Variants in MYOF observed in about 807,000 individuals in gnomAD.
MYOF encodes the protein myoferlin.
Under a neutral mutation model 284.2 loss-of-function variants are expected in MYOF, and 244 were observed. That is an observed-to-expected ratio of 0.86 (90% confidence interval 0.77 to 0.95). The LOEUF (loss-of-function observed/expected upper bound fraction) is 0.95, where lower values mean the gene tolerates loss of function less well. Among genes scored for constraint, MYOF ranks in the 40% least tolerant of loss-of-function variants. MYOF has a pLI of 0.00. For missense variants in MYOF, 2,496 were observed against 2,560.6 expected (o/e 0.97, Z 0.54); for synonymous variants, 904 against 919.7 (o/e 0.98, Z 0.31).
chr10:93,320,450 A>C (rs1002491650), intron 48 of MYOF, among the ~76,000 whole-genome samples: 1 of 152,216 alleles, frequency 6.6e-6, no homozygotes, highest in Non-Finnish European at 1.5e-5. Flanking sequence ...TATTTTACTT[A>C]AGCAAACCAA....
At chr10:93,472,793 A>G (rs2057179236) in intron 1 of MYOF, among the ~76,000 whole-genome samples, 1 of 152,218 alleles carries the variant, frequency 6.6e-6, no homozygotes, top group African/African-American at 2.4e-5. Context: ...GCTGACCAGC[A>G]TCCTGTTTAT....
intron 38 of MYOF, among the ~76,000 whole-genome samples, chr10:93,340,721 G>A (rs1843859404): frequency 6.6e-6 from 1 of 151,850 alleles, no homozygotes; most frequent in Admixed American, 6.6e-5. Context: ...GCTTTATTAT[G>A]AGGATGTCAA....
At chr10:93,307,023 T>A (rs1266864509) in intron 53 of MYOF, 22 bp from the exon 54 acceptor site, 1 of 1,604,506 alleles carries the variant, frequency 6.2e-7, no homozygotes, top group South Asian at 1.1e-5. Flanking sequence ...ACAAAAACAG[T>A]GGTAAAAAAA....
rs1564635855 is a variant in MYOF at position 93,346,216 on chromosome 10, A to AT, written c.4249+1400dup. On this transcript the variant is annotated intron_variant, in intron 37 of 53. Transcript: ENST00000359263. The stretch of plus-strand genomic sequence containing the variant: ...GAGTTTTGCTTAAATGTGACTGTGG[A>AT]TTTTTTTCCTCTTCTCTGAATCAGG... Among the ~76,000 whole-genome samples the AT allele has an allele frequency of 2.6e-5, 4 of 152,304 alleles. No homozygotes were observed. In the South Asian group the frequency reaches 8.3e-4, roughly 32 times the overall value.
At chr10:93,347,858 C>T (rs1234884861) in intron 36 of MYOF, 76 bp from the exon 37 acceptor site, 1 of 1,437,912 alleles carries the variant, frequency 7.0e-7, no homozygotes, top group Non-Finnish European at 9.5e-7. Context: ...CCAGATGGAC[C>T]AGTCCAGATT....
intron 39 of MYOF, 90 bp from the exon 40 acceptor site, chr10:93,338,003 A>G (rs577631366): frequency 2.1e-6 from 2 of 945,050 alleles, no homozygotes; most frequent in East Asian, 4.8e-5. Context: ...TTAAGAAGAA[A>G]TAGGTTCTTC....
intron 3 of MYOF, among the ~76,000 whole-genome samples, chr10:93,441,561 C>CTTT (rs148461507): frequency 2.4e-5 from 3 of 125,060 alleles, no homozygotes; most frequent in African/African-American, 6.1e-5. Context: ...ATTTTTGTAT[C>CTTT]TTTTTTTTTT....
chr10:93,383,425 T>C (rs374959424), intron 19 of MYOF, among the ~76,000 whole-genome samples: 13 of 152,156 alleles, frequency 8.5e-5, no homozygotes, highest in African/African-American at 3.1e-4. Context: ...GAGCTGCACA[T>C]TGAATGACCT....
chr10:93,383,387 A>C (rs1286944684), intron 19 of MYOF, among the ~76,000 whole-genome samples: 1 of 152,178 alleles, frequency 6.6e-6, no homozygotes, highest in Non-Finnish European at 1.5e-5. Context: ...CTTTCTAAAA[A>C]GTCTCTCTAA....
intron 53 of MYOF, 89 bp from the exon 54 acceptor site, chr10:93,307,090 A>G (rs1589361903): frequency 1.6e-6 from 2 of 1,226,086 alleles, no homozygotes; most frequent in South Asian, 1.3e-5. Context: ...AAAAATTGAC[A>G]TTTTGAACCA....
intron 3 of MYOF, among the ~76,000 whole-genome samples, chr10:93,450,115 C>T (rs777106249): frequency 2.0e-4 from 30 of 151,946 alleles, no homozygotes; most frequent in Non-Finnish European, 3.2e-4. Context: ...AAAAATAGGC[C>T]GGGTGCAGTA....
chr10:93,310,807 G>T (rs1017214658), intron 51 of MYOF, among the ~76,000 whole-genome samples, 164 bp from the exon 52 acceptor site: 2 of 152,024 alleles, frequency 1.3e-5, no homozygotes, highest in Non-Finnish European at 2.9e-5. Flanking sequence ...CCTCTTCCAT[G>T]TGTTTCTGAA....
intron 5 of MYOF, among the ~76,000 whole-genome samples, chr10:93,423,789 T>C (rs1468102783): frequency 2.0e-5 from 3 of 148,108 alleles, no homozygotes; most frequent in East Asian, 2.0e-4. Context: ...GCCGAGATCG[T>C]GCCACTGCAC....
At chr10:93,371,705 T>C (rs1845597622) in intron 24 of MYOF, among the ~76,000 whole-genome samples, 1 of 151,338 alleles carries the variant, frequency 6.6e-6, no homozygotes, top group African/African-American at 2.4e-5. Context: ...ATAACCCACA[T>C]AAACCAAAGC....
chr10:93,400,405 G>T (rs1847222930), intron 12 of MYOF, among the ~76,000 whole-genome samples: 2 of 149,784 alleles, frequency 1.3e-5, no homozygotes, highest in Admixed American at 6.7e-5. Flanking sequence ...GCCTCAAGCA[G>T]TGCTCCTACC....
intron 4 of MYOF, among the ~76,000 whole-genome samples, chr10:93,427,437 C>T (rs553677368): frequency 3.5e-4 from 53 of 149,350 alleles, no homozygotes; most frequent in Middle Eastern, 3.5e-3. Context: ...GGGCTGAGGC[C>T]GGAGAATCTC....
chr10:93,326,667 C>A (rs1843060283), intron 45 of MYOF, among the ~76,000 whole-genome samples: 1 of 152,200 alleles, frequency 6.6e-6, no homozygotes, highest in Admixed American at 6.5e-5. Flanking sequence ...CTCTGTCATC[C>A]AGGCTGGAGT....
chr10:93,459,443 C>A (rs2056825082), intron 1 of MYOF, among the ~76,000 whole-genome samples: 1 of 152,194 alleles, frequency 6.6e-6, no homozygotes, highest in African/African-American at 2.4e-5. Context: ...GACAATTCTT[C>A]CAGGTAAACA....
intron 15 of MYOF, among the ~76,000 whole-genome samples, chr10:93,396,627 T>C (rs954275766): frequency 2.6e-4 from 39 of 152,226 alleles, no homozygotes; most frequent in Admixed American, 1.1e-3. Context: ...ACCATTGTCA[T>C]AAAATGAATT....
Sources: gnomAD v4.1 joint callset for allele counts (sites outside exome capture counted in the v4.1 genomes callset) on GRCh38, gnomAD v4.1.1 for gene constraint, MANE v1.5 for transcripts, NCBI Gene and HGNC (gene_info 2026-07-23, HGNC 2026-07-21) for gene names.